The following ZNF341 variants were observed in gnomAD, a reference collection of about 807,000 sequenced individuals.
The protein encoded by ZNF341 is zinc finger protein 341.
Under a neutral mutation model 87.7 loss-of-function variants are expected in ZNF341, and 52 were observed. That is an observed-to-expected ratio of 0.59 (90% CI 0.47 to 0.75). The LOEUF (loss-of-function observed/expected upper bound fraction) is 0.75. Among genes scored for constraint, ZNF341 ranks in the 30% least tolerant of loss-of-function variants. ZNF341 has a pLI of 0.00. For missense variants in ZNF341, 977 were observed against 1,145.9 expected (o/e 0.85, Z 2.13); for synonymous variants, 459 against 472.7 (o/e 0.97, Z 0.38).
At chr20:33,788,485 C>T in intron 12 of ZNF341, 1 of 279,502 alleles carries the variant, frequency 3.6e-6, no homozygotes, top group Non-Finnish European at 7.1e-6. Flanking sequence ...CCCATGCGGA[C>T]CTGGCTGGCT....
At chr20:33,764,098 C>T (rs889575639) in intron 8 of ZNF341, among the ~76,000 whole-genome samples, 2 of 149,606 alleles carry the variant, frequency 1.3e-5, no homozygotes, top group Non-Finnish European at 3.0e-5. Context: ...GATCTCAGCT[C>T]ACTGCAAGCT....
At chr20:33,754,217 TG>T (rs2019124399) in intron 5 of ZNF341, among the ~76,000 whole-genome samples, 1 of 152,082 alleles carries the variant, frequency 6.6e-6, no homozygotes, top group Non-Finnish European at 1.5e-5. Context: ...TGCAAAGGCT[TG>T]GGTACAGGGA....
At chr20:33,784,540 TC>T (rs1468356279) in intron 12 of ZNF341, among the ~76,000 whole-genome samples, 1 of 143,064 alleles carries the variant, frequency 7.0e-6, no homozygotes, top group Non-Finnish European at 1.5e-5. Context: ...CTGCCTTAAT[TC>T]ATGAACAAGG....
intron 10 of ZNF341, among the ~76,000 whole-genome samples, chr20:33,778,512 T>C (rs2019670805): frequency 6.6e-6 from 1 of 152,158 alleles, no homozygotes; most frequent in Non-Finnish European, 1.5e-5. Context: ...CATTTCTCCA[T>C]GTTGGCCAGG....
chr20:33,741,535 C>T (rs2018803093), intron 2 of ZNF341, among the ~76,000 whole-genome samples: 1 of 152,092 alleles, frequency 6.6e-6, no homozygotes, highest in South Asian at 2.1e-4. Context: ...TCCTGCGTAG[C>T]TGGGATTACA....
rs572931861 is a variant in ZNF341 at position 33,763,544 on chromosome 20, C to G, written c.1222+1489C>G. Among the ~76,000 whole-genome samples, 219 of 152,248 alleles carry G rather than the reference C, an allele frequency of 1.4e-3. 1 individual carries two copies. The highest frequency in any genetic ancestry group is 5.1e-3 in the African/African-American group (210 of 41,540). ...AAACTCCTGACCTCAAGTAATCCAC[C>G]CACCTTGGCCTCCCAAAGTGCTGAG... On this transcript the variant is annotated intron_variant, in intron 8 of 14. Transcript: ENST00000375200.
At chr20:33,750,726 C>T (rs767930214) in intron 4 of ZNF341, among the ~76,000 whole-genome samples, 2 of 151,966 alleles carry the variant, frequency 1.3e-5, no homozygotes, top group South Asian at 2.1e-4. Context: ...CTGCAATCTC[C>T]GCATCCTGGG....
intron 14 of ZNF341, among the ~76,000 whole-genome samples, chr20:33,790,233 A>G (rs950666550): frequency 1.3e-4 from 20 of 152,040 alleles, no homozygotes; most frequent in African/African-American, 4.3e-4. Flanking sequence ...CACCACACCC[A>G]GCTAATTTTT....
intron 13 of ZNF341, 104 bp downstream of exon 13, chr20:33,789,078 C>CTTT (rs397692441): frequency 1.2e-4 from 72 of 607,894 alleles, no homozygotes; most frequent in South Asian, 2.3e-4. Flanking sequence ...CAGGCCTCTC[C>CTTT]TTTTTTTTTT....
intron 4 of ZNF341, 126 bp from the exon 5 acceptor site, chr20:33,753,046 C>T: frequency 7.3e-7 from 1 of 1,373,078 alleles, no homozygotes. Context: ...CTCTTAGCCC[C>T]TCTCCTGAGC....
At chr20:33,752,492 T>C in intron 4 of ZNF341, 1 of 514,050 alleles carries the variant, frequency 1.9e-6, no homozygotes, top group East Asian at 4.1e-5. Context: ...ACCACCTCAT[T>C]GATGGCCGAA....
At chr20:33,775,367 T>G (rs1389839292) in intron 10 of ZNF341, among the ~76,000 whole-genome samples, 1 of 151,950 alleles carries the variant, frequency 6.6e-6, no homozygotes, top group East Asian at 1.9e-4. Context: ...CCTGCCACCA[T>G]GCCCCGCTAA....
intron 2 of ZNF341, among the ~76,000 whole-genome samples, chr20:33,743,449 C>T (rs1471689505): frequency 6.7e-6 from 1 of 150,212 alleles, no homozygotes; most frequent in East Asian, 2.0e-4. Context: ...AAGCAATTCT[C>T]CTGCCTCAGC....
At chr20:33,778,602 C>T (rs1439314625) in intron 10 of ZNF341, among the ~76,000 whole-genome samples, 3 of 152,210 alleles carry the variant, frequency 2.0e-5, no homozygotes, top group Non-Finnish European at 4.4e-5. Flanking sequence ...TGAGCCACCG[C>T]GCCTGGCTAG....
chr20:33,786,922 C>T (rs1017958293), intron 12 of ZNF341, among the ~76,000 whole-genome samples: 13 of 135,140 alleles, frequency 9.6e-5, no homozygotes, highest in African/African-American at 3.6e-4. Flanking sequence ...GAGCCAAGAT[C>T]AAACCACTGC....
At position 33,741,067 on chromosome 20, in the gene ZNF341, T is replaced by C. The variant is rs142327819; in HGVS notation, c.142+55T>C. The C allele has an allele frequency of 1.1e-4, 168 of 1,509,804 alleles. No homozygotes were observed. The African/African-American group carries it at 2.0e-3, about 18-fold the overall frequency. 93.5% of individuals were successfully genotyped at this position (1,509,804 alleles called of 1,614,324 possible). ...AGAGTGAATGGCTCCCCGCGAAGAG[T>C]AGGTGGAGCTTGTGCTGGGCTGTGG... On this transcript the variant is annotated intron_variant, in intron 2 of 14. Coordinates refer to ENST00000375200, the MANE Select transcript of ZNF341 (RefSeq NM_001282933.2).
chr20:33,732,323 G>GGCGCGGGAGGGGCTCCCTGCAGGGAACT lies in ZNF341; in HGVS notation c.31+282_31+309dup, dbSNP rs2018587269. On this transcript the variant is annotated intron_variant, in intron 1 of 14. Coordinates refer to ENST00000375200, the MANE Select transcript of ZNF341 (RefSeq NM_001282933.2). The surrounding 1 kb of genome is among the most constrained non-coding windows in gnomAD (Gnocchi z 4.5). ...GCGCCAGCCTGGGCGGCCTTGGGCG[G>GGCGCGGGAGGGGCTCCCTGCAGGGAACT]GCGCGGGAGGGGCTCCCTGCAGGGA... 6.6e-6 allele frequency among the ~76,000 whole-genome samples: 1 copy of GGCGCGGGAGGGGCTCCCTGCAGGGAACT among 151,204 alleles called. No homozygotes were observed. Among genetic ancestry groups the GGCGCGGGAGGGGCTCCCTGCAGGGAACT allele is most frequent in the Non-Finnish European group, 1.5e-5 (1 of 67,680 alleles).
At chr20:33,769,226 C>T (rs1298997436) in intron 9 of ZNF341, among the ~76,000 whole-genome samples, 3 of 151,942 alleles carry the variant, frequency 2.0e-5, no homozygotes, top group Non-Finnish European at 4.4e-5. Flanking sequence ...GACTGTGGGC[C>T]GGCTATAGGC....
At chr20:33,739,888 G>A (rs2122632798) in intron 1 of ZNF341, among the ~76,000 whole-genome samples, 1 of 152,068 alleles carries the variant, frequency 6.6e-6, no homozygotes, top group Admixed American at 6.5e-5. Context: ...TTTTGAGACA[G>A]AGTTTCGCTC....
Sources: allele counts gnomAD v4.1 joint callset (sites outside exome capture counted in the v4.1 genomes callset), GRCh38; gene constraint gnomAD v4.1.1; non-coding constraint Gnocchi (gnomAD v3.1); transcripts MANE v1.5; gene names NCBI Gene and HGNC (gene_info 2026-07-23, HGNC 2026-07-21).